SPIDR: variants seen among roughly 807,000 people sequenced by gnomAD.
SPIDR encodes the protein DNA repair-scaffolding protein.
A neutral mutation model predicts 104.6 loss-of-function variants in SPIDR; 93 were observed. The ratio of observed to expected loss-of-function variants is 0.89; its 90% CI spans 0.75 to 1.06. The LOEUF is 1.06. Ranked by LOEUF, SPIDR falls within the 50% of genes least tolerant of loss-of-function variation. The pLI is 0.00. For missense variants in SPIDR, 1,154 were observed against 1,111.2 expected (o/e 1.04, Z -0.55); for synonymous variants, 431 against 416.9 (o/e 1.03, Z -0.41).
intron 10 of SPIDR, chr8:47,654,169 C>G: frequency 7.8e-7 from 1 of 1,289,722 alleles, no homozygotes; most frequent in Non-Finnish European, 1.0e-6. Context: ...ATGATTAACT[C>G]TATTCGATAA....
intron 5 of SPIDR, among the ~76,000 whole-genome samples, chr8:47,393,701 TCC>T (rs1554654143): frequency 3.4e-5 from 5 of 145,344 alleles, no homozygotes; most frequent in Non-Finnish European, 7.5e-5. Flanking sequence ...TCCTTTCCTT[TCC>T]TTTCCTTTCC....
In SPIDR at chr8:47,735,743, G is replaced by GAA. The variant is rs953436723; in HGVS notation, c.*299_*300dup. ...CATTTGGTATTTAGGCAATATATGA[G>GAA]AAAAAAATTTTTTTTGTTCATTTGT... On this transcript the variant is annotated 3_prime_UTR_variant, in exon 20 of 20. Transcript: ENST00000297423. 9.7e-6 allele frequency: 6 copies of GAA among 618,990 alleles called. No individual in the cohort carries two copies. In the African/African-American group the frequency reaches 1.1e-4, roughly 11 times the overall value. 38.3% of individuals were successfully genotyped at this position (618,990 alleles called of 1,614,324 possible).
intron 2 of SPIDR, among the ~76,000 whole-genome samples, chr8:47,281,161 A>G (rs1420220515): frequency 2.0e-5 from 3 of 152,180 alleles, no homozygotes; most frequent in African/African-American, 7.2e-5. Flanking sequence ...CCTAATTTAA[A>G]AATACTTTGT....
intron 7 of SPIDR, among the ~76,000 whole-genome samples, chr8:47,415,703 G>A (rs573436291): frequency 6.6e-6 from 1 of 152,304 alleles, no homozygotes; most frequent in African/African-American, 2.4e-5. Flanking sequence ...CCAGAGCGTT[G>A]ATCTTGGACT....
At chr8:47,313,500 T>C (rs1349836347) in intron 5 of SPIDR, among the ~76,000 whole-genome samples, 1 of 152,194 alleles carries the variant, frequency 6.6e-6, no homozygotes, top group Non-Finnish European at 1.5e-5. Flanking sequence ...AGGTAATTTA[T>C]AGATTCAATG....
At chr8:47,683,656 T>C (rs1179928911) in intron 11 of SPIDR, among the ~76,000 whole-genome samples, 1 of 152,172 alleles carries the variant, frequency 6.6e-6, no homozygotes, top group Non-Finnish European at 1.5e-5. Flanking sequence ...AAATATGAAA[T>C]CCAAAATACT....
intron 7 of SPIDR, among the ~76,000 whole-genome samples, chr8:47,415,726 G>C (rs1432979285): frequency 1.3e-5 from 2 of 152,176 alleles, no homozygotes; most frequent in African/African-American, 2.4e-5. Flanking sequence ...CCAGCCTGCA[G>C]AACTGTGAGA....
chr8:47,673,444 C>CT, intron 10 of SPIDR: 1 of 463,092 alleles, frequency 2.2e-6, no homozygotes, highest in Non-Finnish European at 4.3e-6. Flanking sequence ...AAAGGACACT[C>CT]TGTTTCTAGG....
At chr8:47,688,715 G>A (rs575240814) in intron 11 of SPIDR, among the ~76,000 whole-genome samples, 1 of 152,346 alleles carries the variant, frequency 6.6e-6, no homozygotes, top group East Asian at 1.9e-4. Context: ...GCACATCGTG[G>A]GGGTGGGGTG....
At chr8:47,597,621 A>T (rs2061773010) in intron 9 of SPIDR, among the ~76,000 whole-genome samples, 1 of 152,234 alleles carries the variant, frequency 6.6e-6, no homozygotes, top group Admixed American at 6.5e-5. Context: ...ATGTCTAAGA[A>T]TTTTTAAAGC....
intron 10 of SPIDR, among the ~76,000 whole-genome samples, chr8:47,651,019 A>G (rs1215880371): frequency 6.6e-6 from 1 of 152,178 alleles, no homozygotes. Context: ...ACCCAGGAAA[A>G]ACTCTTCTGG....
chr8:47,518,677 C>G (rs2083524374), intron 8 of SPIDR, among the ~76,000 whole-genome samples: 1 of 151,536 alleles, frequency 6.6e-6, no homozygotes, highest in African/African-American at 2.4e-5. Flanking sequence ...TGCTCTGTCG[C>G]CCAGGCTGGA....
chr8:47,602,545 A>G (rs1272687477), intron 10 of SPIDR, among the ~76,000 whole-genome samples: 4 of 152,186 alleles, frequency 2.6e-5, no homozygotes, highest in African/African-American at 9.7e-5. Context: ...GTTTGCCACA[A>G]TAGTTGCCCC....
chr8:47,670,046 G>A (rs1039170406), intron 10 of SPIDR, among the ~76,000 whole-genome samples: 3 of 152,006 alleles, frequency 2.0e-5, no homozygotes, highest in African/African-American at 7.2e-5. Context: ...GCAAAGTCTT[G>A]GGGGTATCAG....
Position 47,396,376 on chromosome 8 carries a change from C to T in SPIDR, c.526C>T (p.Pro176Ser), listed in dbSNP as rs782085725. ...SDEKLSELPK[P>S]SSIEILEYSS... Reference sequence around the variant, plus strand: ...TGCCTTTCTTTTAATTTTTTTTCAGCCAAGTTCTATAGAAATTTTAGAGTA... The same window carrying T: ...TGCCTTTCTTTTAATTTTTTTTCAGTCAAGTTCTATAGAAATTTTAGAGTA... The change falls in exon 6 of 20, where the codon CCA (proline) becomes TCA (serine). Residue 176 changes from proline to serine, a missense_variant and splice_region_variant. Transcript: ENST00000297423. The T allele has an allele frequency of 2.2e-5, 35 of 1,594,770 alleles. No individual in the cohort carries two copies. Among genetic ancestry groups the T allele is most frequent in the Non-Finnish European group, 2.9e-5 (34 of 1,165,830 alleles).
intron 5 of SPIDR, among the ~76,000 whole-genome samples, chr8:47,316,554 A>T (rs587773053): frequency 5.2e-4 from 79 of 152,310 alleles, no homozygotes; most frequent in Admixed American, 1.0e-3. Flanking sequence ...GTACATCAAC[A>T]ACATAATGAA....
At chr8:47,572,148 G>T (rs1564366936) in intron 8 of SPIDR, among the ~76,000 whole-genome samples, 1 of 152,044 alleles carries the variant, frequency 6.6e-6, no homozygotes, top group Admixed American at 6.6e-5. Flanking sequence ...GTAGTATTTT[G>T]TTTTCCTGAG....
At chr8:47,553,544 G>A (rs2090892199) in intron 8 of SPIDR, among the ~76,000 whole-genome samples, 1 of 152,164 alleles carries the variant, frequency 6.6e-6, no homozygotes, top group Admixed American at 6.5e-5. Flanking sequence ...ATCAGCTTCT[G>A]AAGCTTGTGT....
intron 10 of SPIDR, among the ~76,000 whole-genome samples, chr8:47,626,656 A>G (rs1480888328): frequency 6.6e-6 from 1 of 152,250 alleles, no homozygotes; most frequent in African/African-American, 2.4e-5. Context: ...GTCACTGGCC[A>G]TCAGAGAAAT....
Sources: allele counts gnomAD v4.1 joint callset (sites outside exome capture counted in the v4.1 genomes callset), GRCh38; gene constraint gnomAD v4.1.1; transcripts MANE v1.5; gene names NCBI Gene and HGNC (gene_info 2026-07-23, HGNC 2026-07-21).